AUTS2: variants seen among roughly 807,000 people sequenced by gnomAD.
The protein encoded by AUTS2 is activator of transcription and developmental regulator AUTS2.
A neutral mutation model predicts 112.4 loss-of-function variants in AUTS2; 17 were observed. The ratio of observed to expected loss-of-function variants is 0.15; its 90% confidence interval spans 0.10 to 0.23. AUTS2 has a LOEUF of 0.23. Among genes scored for constraint, AUTS2 ranks in the 10% least tolerant of loss-of-function variants. The pLI is 1.00. For synonymous variants in AUTS2, 751 were observed against 702.7 expected (o/e 1.07, Z -1.09); for missense variants, 1,510 against 1,701.6 (o/e 0.89, Z 1.98).
intron 5 of AUTS2, among the ~76,000 whole-genome samples, chr7:70,688,402 C>T (rs917886147): frequency 6.6e-6 from 1 of 152,154 alleles, no homozygotes; most frequent in South Asian, 2.1e-4. Context: ...AAAGTGTTGT[C>T]TCCAGACACA....
intron 4 of AUTS2, among the ~76,000 whole-genome samples, chr7:70,190,456 G>C (rs1809822307): frequency 6.6e-6 from 1 of 152,144 alleles, no homozygotes; most frequent in South Asian, 2.1e-4. Flanking sequence ...TGCTTACTCA[G>C]CTATCATTTC....
At chr7:69,869,845 A>G (rs897775395) in intron 1 of AUTS2, among the ~76,000 whole-genome samples, 4 of 152,200 alleles carry the variant, frequency 2.6e-5, no homozygotes, top group Non-Finnish European at 5.9e-5. Flanking sequence ...TCCTTAGTGT[A>G]TAATCTTGGT....
rs748043234 is a variant in AUTS2, at chr7:70,773,977, T to C, written c.1831-51T>C. On this transcript the variant is annotated intron_variant, in intron 11 of 18. Transcript: ENST00000342771. ...GCAGAAGGGAAGGATCTTGCTTTCA[T>C]GTCACCTGTTTTGTGCTTCCTAAGT... 1.9e-6 allele frequency: 3 copies of C among 1,551,800 alleles called. No individual in the cohort carries two copies. The East Asian group carries it at 6.7e-5, about 35-fold the overall frequency.
intron 5 of AUTS2, among the ~76,000 whole-genome samples, chr7:70,463,375 A>C (rs866368372): frequency 6.6e-6 from 1 of 152,220 alleles, no homozygotes; most frequent in African/African-American, 2.4e-5. Flanking sequence ...CCCATTTGAC[A>C]TTCTGACTTT....
At chr7:69,744,076 A>G (rs772666878) in intron 1 of AUTS2, among the ~76,000 whole-genome samples, 1 of 152,102 alleles carries the variant, frequency 6.6e-6, no homozygotes, top group Non-Finnish European at 1.5e-5. Flanking sequence ...GATTATAGGC[A>G]TGAACCACCA....
rs1260962106 is a variant in AUTS2, at chr7:70,351,055, T to C, written c.661-84697T>C. 5.4e-5 allele frequency among the ~76,000 whole-genome samples: 8 copies of C among 147,492 alleles called. No individual in the cohort carries two copies. The South Asian group carries it at 1.1e-3, about 20-fold the overall frequency. ...AATGACAGGATTTTGTCTTCTTCTT[T>C]TTTTTTTTTTTTTTAGATGGAGTCT... On this transcript the variant is annotated intron_variant, in intron 4 of 18. Coordinates refer to ENST00000342771, the MANE Select transcript of AUTS2 (RefSeq NM_015570.4).
rs182563522 is a variant in AUTS2, at chr7:70,518,923, T to G, written c.690+83142T>G. ...TTTACCATGTTGGCCAGGCTGGTCT[T>G]GAACTCTTGGCCTCAAGTGATCTGC... On this transcript the variant is annotated intron_variant, in intron 5 of 18. Coordinates refer to ENST00000342771, the MANE Select transcript of AUTS2 (RefSeq NM_015570.4). Among the ~76,000 whole-genome samples the G allele has an allele frequency of 9.6e-3, 1,465 of 152,144 alleles. 16 individuals carry two copies. The highest frequency in any genetic ancestry group is 0.034 in the African/African-American group (1,402 of 41,516).
At chr7:70,296,706 G>A (rs1319079359) in intron 4 of AUTS2, among the ~76,000 whole-genome samples, 2 of 152,104 alleles carry the variant, frequency 1.3e-5, no homozygotes, top group African/African-American at 4.8e-5. Flanking sequence ...CCATGCTGAG[G>A]CATGAACTTC....
At chr7:69,996,890 A>G (rs1475049915) in intron 2 of AUTS2, among the ~76,000 whole-genome samples, 2 of 147,766 alleles carry the variant, frequency 1.4e-5, no homozygotes, top group African/African-American at 5.1e-5. Context: ...TGGGCGTTAG[A>G]ATCTCAATCT....
rs145491689 is a variant in AUTS2, at chr7:70,037,704, G to A, written c.523-80428G>A. Reference sequence around the variant, plus strand: ...ATTTTTATGTGATGACTAAAAATACGGTAATTGAGTTAGACTGTATGGGTC... The same window carrying A: ...ATTTTTATGTGATGACTAAAAATACAGTAATTGAGTTAGACTGTATGGGTC... On this transcript the variant is annotated intron_variant, in intron 2 of 18. Transcript: ENST00000342771. Among the ~76,000 whole-genome samples the A allele has an allele frequency of 4.1e-4, 63 of 152,096 alleles. 1 individual carries two copies. The East Asian group carries it at 0.011, about 27-fold the overall frequency.
At chr7:70,255,314 C>T (rs1038105928) in intron 4 of AUTS2, among the ~76,000 whole-genome samples, 3 of 151,982 alleles carry the variant, frequency 2.0e-5, no homozygotes, top group Non-Finnish European at 4.4e-5. Context: ...CCTCGTTATC[C>T]GCCCGCCTCA....
At chr7:70,310,666 G>C (rs1789706039) in intron 4 of AUTS2, among the ~76,000 whole-genome samples, 1 of 151,832 alleles carries the variant, frequency 6.6e-6, no homozygotes, top group Non-Finnish European at 1.5e-5. Flanking sequence ...ACTTTGGGGT[G>C]GGCCTTGATG....
chr7:70,500,185 A>C (rs542110990), intron 5 of AUTS2, among the ~76,000 whole-genome samples: 3 of 151,914 alleles, frequency 2.0e-5, no homozygotes, highest in Admixed American at 6.5e-5. Flanking sequence ...AAAAAAAAAA[A>C]AACAAAACAA....
intron 1 of AUTS2, among the ~76,000 whole-genome samples, chr7:69,881,567 G>A (rs1794045863): frequency 6.6e-6 from 1 of 152,098 alleles, no homozygotes; most frequent in African/African-American, 2.4e-5. Context: ...GCTTTTTCAG[G>A]ACTTCTTTTT....
intron 5 of AUTS2, among the ~76,000 whole-genome samples, chr7:70,457,983 C>A (rs1238921274): frequency 6.6e-6 from 1 of 152,100 alleles, no homozygotes; most frequent in East Asian, 1.9e-4. Context: ...CCACACGCCT[C>A]CCATTTCCAA....
At chr7:70,622,510 C>A (rs1804736197) in intron 5 of AUTS2, among the ~76,000 whole-genome samples, 1 of 152,188 alleles carries the variant, frequency 6.6e-6, no homozygotes, top group African/African-American at 2.4e-5. Flanking sequence ...CCCAGACTTT[C>A]TTAGAATCAA....
At chr7:70,361,572 C>T (rs558606282) in intron 4 of AUTS2, among the ~76,000 whole-genome samples, 11 of 152,070 alleles carry the variant, frequency 7.2e-5, no homozygotes, top group Non-Finnish European at 1.3e-4. Flanking sequence ...TCCTAAGATG[C>T]CTTTACGCTT....
chr7:70,167,609 C>CA lies in AUTS2; in HGVS notation c.660+33039dup, dbSNP rs200113603. ...GAATGTGCCCTTCAACAGCAAAATACAGTTTTTTGTCCAAATGCACATGCC... is the reference window on the plus strand; with the variant it reads ...GAATGTGCCCTTCAACAGCAAAATACAAGTTTTTTGTCCAAATGCACATGCC... On this transcript the variant is annotated intron_variant, in intron 4 of 18. Transcript: ENST00000342771. 8.2e-3 allele frequency among the ~76,000 whole-genome samples: 1,247 copies of CA among 152,284 alleles called. 27 individuals are homozygous for CA. The highest frequency in any genetic ancestry group is 0.063 in the East Asian group (324 of 5,176).
chr7:69,989,748 G>A (rs925365907), intron 2 of AUTS2, among the ~76,000 whole-genome samples: 5 of 152,308 alleles, frequency 3.3e-5, no homozygotes, highest in South Asian at 2.1e-4. Flanking sequence ...CCCGGGCCAT[G>A]GAACTGGTAC....
Sources: gnomAD v4.1 joint callset for allele counts (sites outside exome capture counted in the v4.1 genomes callset) on GRCh38, gnomAD v4.1.1 for gene constraint, MANE v1.5 for transcripts, NCBI Gene and HGNC (gene_info 2026-07-23, HGNC 2026-07-21) for gene names.